RAMP1: variants seen among roughly 807,000 people sequenced by gnomAD.
The protein encoded by RAMP1 is receptor activity modifying protein 1.
A neutral mutation model predicts 8.2 loss-of-function variants in RAMP1; 7 were observed. The observed-to-expected ratio is 0.85, with a 90% CI of 0.49 to 1.60. The LOEUF (loss-of-function observed/expected upper bound fraction) is 1.60, where lower values mean the gene tolerates loss of function less well. Ranked by LOEUF, RAMP1 falls within the 40% of genes most tolerant of loss-of-function variation. The probability of loss-of-function intolerance (pLI) is 0.00; values close to 1 mark genes in which losing one functional copy is unlikely to be tolerated. For missense variants in RAMP1, 192 were observed against 202.4 expected, an observed-to-expected ratio of 0.95 and a Z score of 0.31; for synonymous variants, 92 against 84.7, an observed-to-expected ratio of 1.09 and a Z score of -0.47.
chr2:237,866,244 G>T (rs1032790843), intron 1 of RAMP1, among the ~76,000 whole-genome samples: 2 of 152,064 alleles, frequency 1.3e-5, no homozygotes, highest in East Asian at 3.9e-4. Flanking sequence ...CCACTACCGA[G>T]AGTGGGATAT....
intron 2 of RAMP1, among the ~76,000 whole-genome samples, chr2:237,892,276 C>CTTTTTTTTTTT (rs201847138): frequency 7.4e-6 from 1 of 134,372 alleles, no homozygotes; most frequent in Non-Finnish European, 1.6e-5. Flanking sequence ...TTCTTTCTTT[C>CTTTTTTTTTTT]TTTTTTTTTT....
intron 2 of RAMP1, among the ~76,000 whole-genome samples, chr2:237,887,057 C>T (rs2062441471): frequency 3.4e-5 from 5 of 149,140 alleles, no homozygotes; most frequent in Non-Finnish European, 5.9e-5. Context: ...CACTGAGCCC[C>T]GAAGGCGGCC....
rs144010840 is a variant in RAMP1 at position 237,878,985 on chromosome 2, G to A, written c.191+1623G>A. On this transcript the variant is annotated intron_variant, in intron 2 of 2. Transcript: ENST00000254661. This position sits in a 1 kb window ranked among gnomAD's most constrained non-coding sequence, Gnocchi z 5.7. ...CTCCAGGGGCCCTGTGCCCTCAGCA[G>A]GGTCTCCTCACTCTACTGTACTGAA... 7.4e-3 allele frequency among the ~76,000 whole-genome samples: 1,120 copies of A among 152,310 alleles called. 2 individuals carry two copies. Among genetic ancestry groups the A allele is most frequent in the Middle Eastern group, 0.014 (4 of 294 alleles).
chr2:237,859,964 T>A, intron 1 of RAMP1: 1 of 420,922 alleles, frequency 2.4e-6, no homozygotes. Flanking sequence ...AAGGGACGGC[T>A]TTGGGGACGT....
rs181557572 is a variant in RAMP1 at position 237,886,884 on chromosome 2, C to G, written c.191+9522C>G. On this transcript the variant is annotated intron_variant, in intron 2 of 2. Coordinates refer to ENST00000254661, the MANE Select transcript of RAMP1 (RefSeq NM_005855.4). ...AGTGAAAGGGTGGGCAGGTGGAACA[C>G]GTCTGGTGGCGGGGGCTCGTCGTAG... is the stretch of plus-strand genomic sequence containing the variant. 4.0e-3 allele frequency among the ~76,000 whole-genome samples: 605 copies of G among 152,314 alleles called. 1 individual carries two copies. Among genetic ancestry groups the G allele is most frequent in the Non-Finnish European group, 6.1e-3 (413 of 68,018 alleles).
At chr2:237,908,835 G>A (rs921629343) in intron 2 of RAMP1, among the ~76,000 whole-genome samples, 1 of 152,278 alleles carries the variant, frequency 6.6e-6, no homozygotes, top group East Asian at 1.9e-4. Context: ...CCCTAGCCAT[G>A]GTGTGTCTTT....
Position 237,877,929 on chromosome 2 carries a change from T to C in RAMP1, c.191+567T>C, listed in dbSNP as rs2062326381. On this transcript the variant is annotated intron_variant, in intron 2 of 2. Coordinates refer to ENST00000254661, the MANE Select transcript of RAMP1 (RefSeq NM_005855.4). This position sits in a 1 kb window ranked among gnomAD's most constrained non-coding sequence, Gnocchi z 4.4. ...TCTTCCCGCTTGAGGGGCTCCCTCA[T>C]TGCCTCCCTCAGCCTCCTGGGTGCT... 1.0e-6 allele frequency: 1 copy of C among 984,340 alleles called. No individual in the cohort carries two copies. Among genetic ancestry groups the C allele is most frequent in the African/African-American group, 1.7e-5 (1 of 57,228 alleles). 61.0% of individuals were successfully genotyped at this position (984,340 alleles called of 1,614,324 possible).
At chr2:237,887,432 G>C (rs1265904014) in intron 2 of RAMP1, among the ~76,000 whole-genome samples, 2 of 151,742 alleles carry the variant, frequency 1.3e-5, no homozygotes, top group Non-Finnish European at 2.9e-5. Flanking sequence ...TGCCCTTTGG[G>C]ATGCGTCTTG....
At position 237,862,348 on chromosome 2, in the gene RAMP1, G is replaced by A. The variant is rs923574215; in HGVS notation, c.52+2621G>A. Among the ~76,000 whole-genome samples the A allele has an allele frequency of 2.6e-5, 4 of 152,164 alleles. No homozygotes were observed. Among genetic ancestry groups the A allele is most frequent in the Non-Finnish European group, 5.9e-5 (4 of 68,030 alleles). ...GTTTACCCTCTCTGTGTGTCTAGCTGCAGGAAGAAATTTCTGGATTTTTGT... is the reference window on the plus strand; with the variant it reads ...GTTTACCCTCTCTGTGTGTCTAGCTACAGGAAGAAATTTCTGGATTTTTGT... On this transcript the variant is annotated intron_variant, in intron 1 of 2. Coordinates refer to ENST00000254661, the MANE Select transcript of RAMP1 (RefSeq NM_005855.4). The surrounding 1 kb of genome is among the most constrained non-coding windows in gnomAD (Gnocchi z 4.0).
chr2:237,883,183 C>T (rs1377793234), intron 2 of RAMP1, among the ~76,000 whole-genome samples: 3 of 152,146 alleles, frequency 2.0e-5, no homozygotes, highest in African/African-American at 4.8e-5. Context: ...TGCCTGCTGC[C>T]GCCCAAGGTC....
chr2:237,897,564 T>G (rs1026200053), intron 2 of RAMP1, among the ~76,000 whole-genome samples: 2 of 152,188 alleles, frequency 1.3e-5, no homozygotes, highest in Non-Finnish European at 2.9e-5. Flanking sequence ...TTTGTCCTCC[T>G]TGTTCAGCAA....
intron 2 of RAMP1, among the ~76,000 whole-genome samples, chr2:237,879,179 C>G (rs1023654973): frequency 6.6e-6 from 1 of 152,170 alleles, no homozygotes; most frequent in Non-Finnish European, 1.5e-5. Flanking sequence ...CCAGGGAAGA[C>G]ACAATGGGGG....
chr2:237,897,227 G>C (rs2151018793), intron 2 of RAMP1, among the ~76,000 whole-genome samples: 1 of 152,376 alleles, frequency 6.6e-6, no homozygotes, highest in East Asian at 1.9e-4. Context: ...CCAGGAAAGA[G>C]GGAGACTGAA....
At chr2:237,883,564 C>T (rs567533309) in intron 2 of RAMP1, among the ~76,000 whole-genome samples, 1 of 152,242 alleles carries the variant, frequency 6.6e-6, no homozygotes, top group Admixed American at 6.5e-5. Flanking sequence ...GCCTGTAATC[C>T]CAACACTTTG....
chr2:237,869,518 A>G (rs2062223823), intron 1 of RAMP1, among the ~76,000 whole-genome samples: 1 of 152,168 alleles, frequency 6.6e-6, no homozygotes, highest in East Asian at 1.9e-4. Context: ...AGGAACCTGT[A>G]TTAGTGGAAT....
chr2:237,911,838 GC>G lies in RAMP1; in HGVS notation c.*57del, dbSNP rs2062719844. Reference sequence around the variant, plus strand: ...CAGGCTGCAGGGTGAGGCCAGGCAGGCCTGGGTAGGGGCAGCTTCTGGAGCC... The same window carrying G: ...CAGGCTGCAGGGTGAGGCCAGGCAGGCTGGGTAGGGGCAGCTTCTGGAGCC... On this transcript the variant is annotated 3_prime_UTR_variant, in exon 3 of 3. Transcript: ENST00000254661. 63 of 1,533,246 alleles carry G rather than the reference GC, an allele frequency of 4.1e-5. No homozygotes were observed. The highest frequency in any genetic ancestry group is 5.5e-5 in the Non-Finnish European group (63 of 1,136,098). The allele number at this position is 1,533,246 out of a possible 1,614,324, so 95.0% of individuals were successfully genotyped here. A position where few individuals can be genotyped will look rare whatever the true frequency, so the allele number is the denominator to read the frequency against.
chr2:237,860,674 GTT>G (rs1024669719), intron 1 of RAMP1, among the ~76,000 whole-genome samples: 16 of 146,942 alleles, frequency 1.1e-4, no homozygotes, highest in African/African-American at 3.6e-4. Flanking sequence ...CGGAGCAGTT[GTT>G]TCTGGTATGT....
At chr2:237,898,292 G>T (rs1428178243) in intron 2 of RAMP1, among the ~76,000 whole-genome samples, 1 of 152,182 alleles carries the variant, frequency 6.6e-6, no homozygotes, top group Non-Finnish European at 1.5e-5. Context: ...AAGCATTCCT[G>T]TCTCAGCAAT....
chr2:237,909,099 C>T (rs1008259469), intron 2 of RAMP1, among the ~76,000 whole-genome samples: 1 of 152,172 alleles, frequency 6.6e-6, no homozygotes, highest in African/African-American at 2.4e-5. Context: ...TCATTCAAGG[C>T]TCTCTGGCTT....
Sources: allele counts gnomAD v4.1 joint callset (sites outside exome capture counted in the v4.1 genomes callset), GRCh38; gene constraint gnomAD v4.1.1; non-coding constraint Gnocchi (gnomAD v3.1); transcripts MANE v1.5; gene names NCBI Gene and HGNC (gene_info 2026-07-23, HGNC 2026-07-21).